The following PI4KB variants were observed in gnomAD, a reference collection of about 807,000 sequenced individuals.
PI4KB encodes PtdIns 4-kinase beta.
In PI4KB, 23 loss-of-function variants were observed where a neutral mutation model predicts 81.4. The observed-to-expected ratio is 0.28, with a 90% CI of 0.20 to 0.40. The LOEUF is 0.40. PI4KB is among the 10% of genes least tolerant of loss of function. The pLI, the probability that PI4KB is intolerant of heterozygous loss-of-function variation, is 1.00. For synonymous variants in PI4KB, 381 were observed against 406.8 expected (o/e 0.94, Z 0.76); for missense variants, 651 against 1,036.6 (o/e 0.63, Z 5.11).
intron 5 of PI4KB, among the ~76,000 whole-genome samples, chr1:151,304,991 G>A (rs780363810): frequency 9.2e-5 from 14 of 151,940 alleles, no homozygotes; most frequent in African/African-American, 9.7e-5. Context: ...CACCACGCCC[G>A]GCTAATTTTT....
chr1:151,307,734 G>A lies in PI4KB; in HGVS notation c.1022C>T (p.Thr341Met), dbSNP rs780315230. The A allele has an allele frequency of 5.0e-6, 8 of 1,614,114 alleles. No homozygotes were observed. The highest frequency in any genetic ancestry group is 2.2e-5 in the East Asian group (1 of 44,882). Residue 341 changes from threonine to methionine, a missense_variant, in exon 4 of 12, where the codon ACG becomes ATG. Transcript: ENST00000368873. Reference protein sequence around the residue: ...SLMAIGKRLATLPTKEQKTQR... With the variant: ...SLMAIGKRLAMLPTKEQKTQR... ...TGTTTTCTGCTCTTTGGTGGGGAGC[G>A]TGGCCAGCCGCTTGCCGATCGCCAT...
Position 151,294,011 on chromosome 1 carries a change from G to GC in PI4KB, c.2269+6dup. 6.2e-7 allele frequency: 1 copy of GC among 1,613,870 alleles called. No homozygotes were observed. Among genetic ancestry groups the GC allele is most frequent in the Non-Finnish European group, 8.5e-7 (1 of 1,179,886 alleles). ...CACTATAGCACCTGACCTCACCCCAGCCCCACCTTGCTGCATGATCTCCAC... is the reference window on the plus strand; with the variant it reads ...CACTATAGCACCTGACCTCACCCCAGCCCCCACCTTGCTGCATGATCTCCAC... On this transcript the variant is annotated splice_region_variant and intron_variant, in intron 11 of 11. Coordinates refer to ENST00000368873, the MANE Select transcript of PI4KB (RefSeq NM_001369623.2).
chr1:151,308,642 G>A lies in PI4KB; in HGVS notation c.955-841C>T, dbSNP rs141950356. On this transcript the variant is annotated intron_variant, in intron 3 of 11. Coordinates refer to ENST00000368873, the MANE Select transcript of PI4KB (RefSeq NM_001369623.2). Reference sequence around the variant, plus strand: ...TTGGCTCCTTGTGCTGGGCAATTCAGTCATCCTCAGAAAGAGCAAAGTTGG... The same window carrying A: ...TTGGCTCCTTGTGCTGGGCAATTCAATCATCCTCAGAAAGAGCAAAGTTGG... Among the ~76,000 whole-genome samples the A allele has an allele frequency of 1.3e-3, 203 of 152,248 alleles. 2 individuals are homozygous for A. Among genetic ancestry groups the A allele is most frequent in the African/African-American group, 4.7e-3 (196 of 41,536 alleles).
At chr1:151,313,420 A>G (rs1377635073) in intron 2 of PI4KB, among the ~76,000 whole-genome samples, 1 of 152,148 alleles carries the variant, frequency 6.6e-6, no homozygotes. Flanking sequence ...AGATGTAAGG[A>G]AAGAGGGACC....
intron 2 of PI4KB, among the ~76,000 whole-genome samples, chr1:151,315,151 G>A (rs951234127): frequency 1.3e-5 from 2 of 151,952 alleles, no homozygotes; most frequent in South Asian, 4.2e-4. Flanking sequence ...GCTAATTTTT[G>A]TATTTTTAGT....
rs112809171 is a variant in PI4KB, at chr1:151,318,330, T to C, written c.-28-1821A>G. ...TACTCAGGAGGCTGAGGCCGGAGAA[T>C]TGCTTGAACCTGGGAGGTGGAGGTT... On this transcript the variant is annotated intron_variant, in intron 1 of 11. Coordinates refer to ENST00000368873, the MANE Select transcript of PI4KB (RefSeq NM_001369623.2). Among the ~76,000 whole-genome samples, 14 of 151,388 alleles carry C rather than the reference T, an allele frequency of 9.2e-5. 1 individual carries two copies. Among genetic ancestry groups the C allele is most frequent in the African/African-American group, 3.4e-4 (14 of 41,166 alleles).
intron 2 of PI4KB, among the ~76,000 whole-genome samples, chr1:151,310,995 G>A (rs587650626): frequency 1.3e-5 from 2 of 152,320 alleles, no homozygotes; most frequent in South Asian, 4.1e-4. Flanking sequence ...TTTGATATAA[G>A]TTGGGGAGTT....
Position 151,298,936 on chromosome 1 carries a change from G to C in PI4KB, c.1887C>G (p.Ser629=). 1.2e-6 allele frequency: 2 copies of C among 1,614,186 alleles called. No individual in the cohort carries two copies. The highest frequency in any genetic ancestry group is 2.2e-5 in the East Asian group (1 of 44,874). The change falls in exon 9 of 12, where the codon TCC becomes TCG. Residue 629 remains serine (S), a synonymous_variant. Transcript: ENST00000368873. ...IHQVKKQSQL[S]LLDYFLQEHG... ...GCTCCTGTAGGAAGTAATCGAGCAA[G>C]GAGAGCTGTGACTGTTTCTTCACCT...
At position 151,292,842 on chromosome 1, in the gene PI4KB, G is replaced by A; in HGVS notation, c.*10C>T. The A allele has an allele frequency of 1.2e-6, 2 of 1,613,394 alleles. No individual in the cohort carries two copies. The highest frequency in any genetic ancestry group is 1.7e-6 in the Non-Finnish European group (2 of 1,179,732). On this transcript the variant is annotated 3_prime_UTR_variant, in exon 12 of 12. Transcript: ENST00000368873. Reference sequence around the variant, plus strand: ...CTGGACCCCCCACCACTCCTGGGCTGAGGAGCGTGTCACATGATGCCGTTG... The same window carrying A: ...CTGGACCCCCCACCACTCCTGGGCTAAGGAGCGTGTCACATGATGCCGTTG...
chr1:151,310,379 TG>T (rs1431772248), intron 2 of PI4KB, 124 bp from the exon 3 acceptor site: 1 of 653,908 alleles, frequency 1.5e-6, no homozygotes, highest in African/African-American at 1.9e-5. Flanking sequence ...TCTACCTTTC[TG>T]CTTTAATAAA....
chr1:151,314,263 A>G (rs1188174808), intron 2 of PI4KB, among the ~76,000 whole-genome samples: 3 of 152,342 alleles, frequency 2.0e-5, no homozygotes, highest in South Asian at 2.1e-4. Context: ...CATTTTTCAA[A>G]AAGTGCAAAT....
intron 8 of PI4KB, 112 bp from the exon 9 acceptor site, chr1:151,299,185 C>T: frequency 4.1e-6 from 4 of 968,756 alleles, no homozygotes; most frequent in Non-Finnish European, 6.3e-6. Context: ...GAATTCTAAG[C>T]CATCAAATGA....
Position 151,316,380 on chromosome 1 carries a change from C to T in PI4KB, c.102G>A (p.Thr34=), listed in dbSNP as rs200884808. 1.4e-4 allele frequency: 232 copies of T among 1,607,044 alleles called. No individual in the cohort carries two copies. Among genetic ancestry groups the T allele is most frequent in the South Asian group, 9.9e-4 (89 of 89,774 alleles). ...NNGGSLLSVI[T]EGVGELSVID... is the part of the protein sequence containing the mutation. ...TCACTGATAGTTCCCCGACCCCCTC[C>T]GTGATGACACTTAGCAGGGACCCCC... The change falls in exon 2 of 12, where the codon ACG becomes ACA. Residue 34 remains threonine (T), a synonymous_variant. Transcript: ENST00000368873.
At chr1:151,293,594 T>C in intron 11 of PI4KB, 1 of 322,038 alleles carries the variant, frequency 3.1e-6, no homozygotes, top group Non-Finnish European at 6.2e-6. Flanking sequence ...GGCAAGACTG[T>C]AGTGGAAGGA....
chr1:151,293,136 C>A lies in PI4KB; in HGVS notation c.2270-103G>T, dbSNP rs587645851. On this transcript the variant is annotated intron_variant, in intron 11 of 11. Transcript: ENST00000368873. ...GGGGCATCTGAAGTGCCCTTTTCCTCCCACCTCAGGTCCTTGATGATGTGG... is the reference window on the plus strand; with the variant it reads ...GGGGCATCTGAAGTGCCCTTTTCCTACCACCTCAGGTCCTTGATGATGTGG... 49 of 1,533,300 alleles carry A rather than the reference C, an allele frequency of 3.2e-5. No homozygotes were observed. The East Asian group carries it at 1.1e-3, about 34-fold the overall frequency. The allele number at this position is 1,533,300 out of a possible 1,614,324, so 95.0% of individuals were successfully genotyped here. A position where few individuals can be genotyped will look rare whatever the true frequency, so the allele number is the denominator to read the frequency against.
At chr1:151,296,572 G>A (rs1694815841) in intron 9 of PI4KB, among the ~76,000 whole-genome samples, 1 of 151,566 alleles carries the variant, frequency 6.6e-6, no homozygotes, top group African/African-American at 2.4e-5. Flanking sequence ...CTGGGTTCAA[G>A]TGATTCTCCT....
chr1:151,304,490 C>T (rs587615175), intron 5 of PI4KB, among the ~76,000 whole-genome samples: 58 of 149,358 alleles, frequency 3.9e-4, no homozygotes, highest in Non-Finnish European at 6.8e-4. Flanking sequence ...ATTACAGGCG[C>T]GCGCCACCAT....
At chr1:151,320,628 G>A (rs893750817) in intron 1 of PI4KB, among the ~76,000 whole-genome samples, 1 of 152,180 alleles carries the variant, frequency 6.6e-6, no homozygotes, top group Admixed American at 6.5e-5. Flanking sequence ...TGCCTATGTG[G>A]ATCTGTCCCT....
chr1:151,313,935 T>C (rs1355176028), intron 2 of PI4KB, among the ~76,000 whole-genome samples: 1 of 152,258 alleles, frequency 6.6e-6, no homozygotes, highest in Non-Finnish European at 1.5e-5. Context: ...GCAAAACATC[T>C]AATCTTTCTA....
Sources: allele counts gnomAD v4.1 joint callset (sites outside exome capture counted in the v4.1 genomes callset), GRCh38; gene constraint gnomAD v4.1.1; transcripts MANE v1.5; gene names NCBI Gene and HGNC (gene_info 2026-07-23, HGNC 2026-07-21).